The following PDE3B variants were observed in gnomAD, a reference collection of about 807,000 sequenced individuals.
The protein encoded by PDE3B is cGMP-inhibited 3',5'-cyclic phosphodiesterase 3B.
Under a neutral mutation model 116.8 loss-of-function variants are expected in PDE3B, and 66 were observed. The observed-to-expected ratio is 0.56, with a 90% CI of 0.46 to 0.69. PDE3B has a LOEUF of 0.69. Among genes scored for constraint, PDE3B ranks in the 30% least tolerant of loss-of-function variants. The pLI, the probability that PDE3B is intolerant of heterozygous loss-of-function variation, is 0.00. For synonymous variants in PDE3B, 595 were observed against 533.6 expected (o/e 1.12, Z -1.59); for missense variants, 1,384 against 1,368.1 (o/e 1.01, Z -0.18).
chr11:14,799,757 C>CTTTTTTTTTT (rs60506229), intron 4 of PDE3B, among the ~76,000 whole-genome samples: 1 of 108,014 alleles, frequency 9.3e-6, no homozygotes, highest in Non-Finnish European at 1.8e-5. Context: ...CAACTCCTGC[C>CTTTTTTTTTT]TTTTTTTTTT....
chr11:14,723,138 G>T (rs1856172374), intron 1 of PDE3B, among the ~76,000 whole-genome samples: 1 of 152,180 alleles, frequency 6.6e-6, no homozygotes, highest in Non-Finnish European at 1.5e-5. Context: ...GCATGTTATG[G>T]ACATTGTATC....
At chr11:14,837,530 T>C (rs1289551792) in intron 11 of PDE3B, among the ~76,000 whole-genome samples, 1 of 152,256 alleles carries the variant, frequency 6.6e-6, no homozygotes. Context: ...ACGGATTCCC[T>C]TGCCTCTAGT....
At chr11:14,863,233 A>G (rs2133992853) in intron 14 of PDE3B, among the ~76,000 whole-genome samples, 1 of 152,306 alleles carries the variant, frequency 6.6e-6, no homozygotes, top group African/African-American at 2.4e-5. Context: ...ATAACTGCAT[A>G]GTATTCCATG....
Position 14,849,248 on chromosome 11 carries a change from G to A in PDE3B, c.2520+5222G>A, listed in dbSNP as rs1353489137. On this transcript the variant is annotated intron_variant, in intron 12 of 15. Transcript: ENST00000282096. ...ACAAGCAATGGGGAAAGGATTCCCTGTTTAATAAATGGTGCTGGGAAAACT... is the reference window on the plus strand; with the variant it reads ...ACAAGCAATGGGGAAAGGATTCCCTATTTAATAAATGGTGCTGGGAAAACT... 8.6e-4 allele frequency among the ~76,000 whole-genome samples: 131 copies of A among 152,212 alleles called. No homozygotes were observed. In the Middle Eastern group the frequency reaches 0.01, roughly 12 times the overall value.
the PDE3B span, among the ~76,000 whole-genome samples, chr11:14,892,898 A>G: frequency 6.6e-6 from 1 of 152,208 alleles, no homozygotes; most frequent in East Asian, 1.9e-4. Flanking sequence ...GCACTTGTTC[A>G]CGGAGAGTAT....
At chr11:14,810,273 C>T (rs1859084833) in intron 5 of PDE3B, among the ~76,000 whole-genome samples, 2 of 151,002 alleles carry the variant, frequency 1.3e-5, no homozygotes, top group South Asian at 4.2e-4. Flanking sequence ...CCCACTAACT[C>T]GTCATCTAGC....
Position 14,870,725 on chromosome 11 carries a change from T to A in PDE3B, c.*1065T>A, listed in dbSNP as rs1317557985. On this transcript the variant is annotated 3_prime_UTR_variant, in exon 16 of 16. Coordinates refer to ENST00000282096, the MANE Select transcript of PDE3B (RefSeq NM_000922.4). The surrounding 1 kb of genome is among the most constrained non-coding windows in gnomAD (Gnocchi z 4.1). Reference sequence around the variant, plus strand: ...AATTTCCCTCTGCCTAAAGACTACATGACAGAAATGACCTATCACTACTTA... The same window carrying A: ...AATTTCCCTCTGCCTAAAGACTACAAGACAGAAATGACCTATCACTACTTA... 2 of 152,180 alleles carry A rather than the reference T, an allele frequency of 1.3e-5. No homozygotes were observed. Among genetic ancestry groups the A allele is most frequent in the African/African-American group, 4.8e-5 (2 of 41,452 alleles). The allele number at this position is 152,180 out of a possible 1,614,324, so 9.4% of individuals were successfully genotyped here.
chr11:14,794,170 C>T (rs888450997), intron 4 of PDE3B, among the ~76,000 whole-genome samples: 1 of 152,170 alleles, frequency 6.6e-6, no homozygotes, highest in East Asian at 1.9e-4. Flanking sequence ...TCAATTTCTT[C>T]CACCATACTC....
chr11:14,708,101 T>C (rs886628654), intron 1 of PDE3B, among the ~76,000 whole-genome samples: 1 of 152,054 alleles, frequency 6.6e-6, no homozygotes, highest in African/African-American at 2.4e-5. Flanking sequence ...GATATTTGGG[T>C]CATAGGGATG....
chr11:14,666,383 CA>C (rs1854151663), intron 1 of PDE3B, among the ~76,000 whole-genome samples: 1 of 151,808 alleles, frequency 6.6e-6, no homozygotes, highest in Admixed American at 6.6e-5. Context: ...GCAAGGACTT[CA>C]TGTCTAAAAC....
intron 1 of PDE3B, among the ~76,000 whole-genome samples, chr11:14,672,324 C>T (rs1030929417): frequency 7.3e-5 from 11 of 151,552 alleles, no homozygotes; most frequent in Admixed American, 6.6e-4. Context: ...CAGTTAAATA[C>T]GTAAGTGCAA....
chr11:14,757,115 C>T (rs957722639), intron 1 of PDE3B, among the ~76,000 whole-genome samples: 1 of 152,044 alleles, frequency 6.6e-6, no homozygotes, highest in African/African-American at 2.4e-5. Context: ...ATCCATGTCC[C>T]TACAAAGGAC....
intron 1 of PDE3B, among the ~76,000 whole-genome samples, chr11:14,696,674 A>T (rs1177739932): frequency 6.6e-6 from 1 of 151,974 alleles, no homozygotes; most frequent in South Asian, 2.1e-4. Flanking sequence ...ATTTATAGTA[A>T]TTCTTTATAT....
chr11:14,878,424 A>T, the PDE3B span: 5 of 917,086 alleles, frequency 5.5e-6, no homozygotes, highest in Non-Finnish European at 8.2e-6. Flanking sequence ...TATGTTTATT[A>T]AAGGATTTTC....
At chr11:14,897,088 A>G in the PDE3B span, among the ~76,000 whole-genome samples, 1 of 152,262 alleles carries the variant, frequency 6.6e-6, no homozygotes. Context: ...CATGTGTATG[A>G]CAACAGAACA....
the PDE3B span, among the ~76,000 whole-genome samples, chr11:14,898,344 ACCT>A: frequency 1.3e-5 from 2 of 151,142 alleles, no homozygotes; most frequent in South Asian, 4.2e-4. Context: ...AGTGCTCCTC[ACCT>A]CCTTTTCCTG....
In PDE3B at chr11:14,676,946, G is replaced by A. The variant is rs555448779; in HGVS notation, c.978+31893G>A. 2.2e-4 allele frequency among the ~76,000 whole-genome samples: 34 copies of A among 152,052 alleles called. 1 individual carries two copies. Among genetic ancestry groups the A allele is most frequent in the Non-Finnish European group, 8.8e-5 (6 of 67,976 alleles). On this transcript the variant is annotated intron_variant, in intron 1 of 15. Coordinates refer to ENST00000282096, the MANE Select transcript of PDE3B (RefSeq NM_000922.4). Reference sequence around the variant, plus strand: ...TCTGTTTTCTTCTAGAAGTTTTATGGTGTATGATCTAACTTGAAGTAATTT... The same window carrying A: ...TCTGTTTTCTTCTAGAAGTTTTATGATGTATGATCTAACTTGAAGTAATTT...
At chr11:14,737,477 C>T (rs1236496191) in intron 1 of PDE3B, among the ~76,000 whole-genome samples, 3 of 151,570 alleles carry the variant, frequency 2.0e-5, no homozygotes, top group Admixed American at 1.3e-4. Flanking sequence ...GGATTACAGG[C>T]GTGAGCCACT....
At chr11:14,669,801 T>C (rs984774234) in intron 1 of PDE3B, among the ~76,000 whole-genome samples, 1 of 152,082 alleles carries the variant, frequency 6.6e-6, no homozygotes, top group Non-Finnish European at 1.5e-5. Flanking sequence ...GGAAGAATCA[T>C]GTAAACAAAG....
Sources: allele counts gnomAD v4.1 joint callset (sites outside exome capture counted in the v4.1 genomes callset), GRCh38; gene constraint gnomAD v4.1.1; non-coding constraint Gnocchi (gnomAD v3.1); transcripts MANE v1.5; gene names NCBI Gene and HGNC (gene_info 2026-07-23, HGNC 2026-07-21).